PDE1A: variants seen among roughly 807,000 people sequenced by gnomAD.
The protein encoded by PDE1A is dual specificity calcium/calmodulin-dependent 3',5'-cyclic nucleotide phosphodiesterase 1A.
A neutral mutation model predicts 61.7 loss-of-function variants in PDE1A; 35 were observed. That is an observed-to-expected ratio of 0.57 (90% CI 0.43 to 0.75). The LOEUF (loss-of-function observed/expected upper bound fraction) is 0.75. Ranked by LOEUF, PDE1A falls within the 30% of genes least tolerant of loss-of-function variation. The pLI is 0.00. For missense variants in PDE1A, 597 were observed against 630.6 expected, an observed-to-expected ratio of 0.95 and a Z score of 0.57; for synonymous variants, 232 against 213.2, an observed-to-expected ratio of 1.09 and a Z score of -0.77.
At chr2:182,459,042 G>C (rs901243137) in intron 2 of PDE1A, among the ~76,000 whole-genome samples, 6 of 151,982 alleles carry the variant, frequency 3.9e-5, no homozygotes, top group Non-Finnish European at 7.4e-5. Context: ...ATAGCAATCT[G>C]TTGCCATAAC....
the PDE1A span, among the ~76,000 whole-genome samples, chr2:182,682,810 C>A: frequency 6.6e-6 from 1 of 152,086 alleles, no homozygotes; most frequent in Non-Finnish European, 1.5e-5. Flanking sequence ...TTGTTTAACA[C>A]AGAAAAGTTT....
intron 13 of PDE1A, among the ~76,000 whole-genome samples, chr2:182,156,339 T>C (rs943186477): frequency 3.3e-5 from 5 of 152,146 alleles, no homozygotes; most frequent in African/African-American, 1.2e-4. Flanking sequence ...TTTATCATCT[T>C]ATCCTTTCAA....
intron 2 of PDE1A, among the ~76,000 whole-genome samples, chr2:182,494,049 C>A (rs1270112486): frequency 6.6e-6 from 1 of 152,174 alleles, no homozygotes; most frequent in Non-Finnish European, 1.5e-5. Context: ...AATTTGGTGG[C>A]TTTGTTAAGT....
At chr2:182,565,956 A>G in the PDE1A span, among the ~76,000 whole-genome samples, 39 of 152,306 alleles carry the variant, frequency 2.6e-4, no homozygotes, top group Non-Finnish European at 4.4e-5. Flanking sequence ...AAAAAGAAGA[A>G]AGAGACAGGG....
At chr2:182,255,548 G>T (rs1440603894) in intron 2 of PDE1A, among the ~76,000 whole-genome samples, 4 of 152,108 alleles carry the variant, frequency 2.6e-5, no homozygotes, top group African/African-American at 9.7e-5. Context: ...AAATACCAGT[G>T]AGTCTTTCGG....
chr2:182,614,454 G>A, the PDE1A span, among the ~76,000 whole-genome samples: 1 of 150,910 alleles, frequency 6.6e-6, no homozygotes, highest in Non-Finnish European at 1.5e-5. Context: ...AAGTGACTTA[G>A]CTTTTCAGTT....
chr2:182,635,052 G>A, the PDE1A span, among the ~76,000 whole-genome samples: 70 of 151,644 alleles, frequency 4.6e-4, no homozygotes, highest in African/African-American at 1.6e-3. Flanking sequence ...ATTGGATACC[G>A]CTCATTATAA....
At chr2:182,540,457 G>A in the PDE1A span, among the ~76,000 whole-genome samples, 5 of 151,276 alleles carry the variant, frequency 3.3e-5, no homozygotes. Flanking sequence ...GCATGAAGGA[G>A]ACAAGGGATA....
At chr2:182,510,248 T>C (rs1157936584) in intron 2 of PDE1A, among the ~76,000 whole-genome samples, 6 of 152,184 alleles carry the variant, frequency 3.9e-5, no homozygotes, top group Non-Finnish European at 7.4e-5. Context: ...ATGTTTCATA[T>C]ATATGCTTCT....
At chr2:182,145,709 A>G (rs1690459161), downstream of PDE1A, among the ~76,000 whole-genome samples, 1 of 152,224 alleles carries the variant, frequency 6.6e-6, no homozygotes. Flanking sequence ...AGCCTGGGCA[A>G]CAGAGCGAGA....
chr2:182,229,835 G>T (rs1402773508), intron 6 of PDE1A, among the ~76,000 whole-genome samples, 171 bp downstream of exon 6: 1 of 149,298 alleles, frequency 6.7e-6, no homozygotes, highest in Non-Finnish European at 1.5e-5. Context: ...AGTATTTTTT[G>T]AAAAATGTGT....
At chr2:182,365,109 T>C (rs2125201345) in intron 1 of PDE1A, among the ~76,000 whole-genome samples, 1 of 152,188 alleles carries the variant, frequency 6.6e-6, no homozygotes, top group Non-Finnish European at 1.5e-5. Flanking sequence ...TACAAATCTA[T>C]ATAACTGTAA....
intron 1 of PDE1A, among the ~76,000 whole-genome samples, chr2:182,270,688 G>A (rs990674125): frequency 1.3e-5 from 2 of 150,966 alleles, no homozygotes; most frequent in African/African-American, 2.4e-5. Flanking sequence ...CTAAGAATCA[G>A]AAGAGCTAAA....
At chr2:182,197,100 T>A (rs989172458) in intron 10 of PDE1A, among the ~76,000 whole-genome samples, 1 of 151,940 alleles carries the variant, frequency 6.6e-6, no homozygotes, top group Admixed American at 6.6e-5. Context: ...TATTTTCAAT[T>A]ATTTTAATTT....
chr2:182,197,889 A>G (rs916731358), intron 10 of PDE1A, among the ~76,000 whole-genome samples: 2 of 151,676 alleles, frequency 1.3e-5, no homozygotes, highest in Non-Finnish European at 3.0e-5. Context: ...GCTGCCTTAG[A>G]CTCTTATATT....
rs548993514 is a variant in PDE1A at position 182,403,598 on chromosome 2, CAAAAA to C, written c.53+22975_53+22979del. Among the ~76,000 whole-genome samples, 3 of 77,642 alleles carry C rather than the reference CAAAAA, an allele frequency of 3.9e-5. No homozygotes were observed. The South Asian group carries it at 1.3e-3, about 33-fold the overall frequency. The allele number at this position is 77,642 out of a possible 152,430, so 50.9% of individuals were successfully genotyped here. On this transcript the variant is annotated intron_variant, in intron 1 of 13. Transcript: ENST00000351439. ...TGGGCGACAGAGCCAGACTCCGTCTCAAAAAAAAAAAAAAAAGAAAATGTGGCACA... is the reference window on the plus strand; with the variant it reads ...TGGGCGACAGAGCCAGACTCCGTCTCAAAAAAAAAAAGAAAATGTGGCACA...
intron 2 of PDE1A, among the ~76,000 whole-genome samples, chr2:182,256,436 T>C (rs1252262974): frequency 6.6e-6 from 1 of 151,892 alleles, no homozygotes; most frequent in African/African-American, 2.4e-5. Context: ...TATGGCTGCA[T>C]AGTATAAGTC....
At chr2:182,171,266 T>C (rs561868101) in intron 13 of PDE1A, among the ~76,000 whole-genome samples, 2 of 152,138 alleles carry the variant, frequency 1.3e-5, no homozygotes, top group South Asian at 4.2e-4. Flanking sequence ...ATGAGGAAAT[T>C]AAGTTTTTAT....
intron 2 of PDE1A, among the ~76,000 whole-genome samples, chr2:182,509,014 T>C (rs1247424043): frequency 1.4e-5 from 2 of 145,948 alleles, no homozygotes; most frequent in Non-Finnish European, 3.0e-5. Flanking sequence ...CCTGTGTCCA[T>C]GTGATCTCAT....
Sources: gnomAD v4.1 joint callset for allele counts (sites outside exome capture counted in the v4.1 genomes callset) on GRCh38, gnomAD v4.1.1 for gene constraint, MANE v1.5 for transcripts, NCBI Gene and HGNC (gene_info 2026-07-23, HGNC 2026-07-21) for gene names.